The following FBN2 variants were observed in gnomAD, a reference collection of about 807,000 sequenced individuals.
FBN2 encodes the protein fibrillin-2.
In FBN2, 105 loss-of-function variants were observed where a neutral mutation model predicts 355.6. That is an observed-to-expected ratio of 0.30 (90% CI 0.25 to 0.35). The LOEUF is 0.35. Ranked by LOEUF, FBN2 falls within the 10% of genes least tolerant of loss-of-function variation. The pLI is 1.00. For synonymous variants in FBN2, 1,350 were observed against 1,301.2 expected (o/e 1.04, Z -0.81); for missense variants, 3,280 against 3,758.7 (o/e 0.87, Z 3.33).
chr5:128,449,469 T>TGTATA (rs1754177703), intron 6 of FBN2, among the ~76,000 whole-genome samples: 5 of 146,716 alleles, frequency 3.4e-5, no homozygotes, highest in Admixed American at 6.8e-5. Context: ...AATAGTATAC[T>TGTATA]ATTAAACTAT....
chr5:128,526,983 G>A (rs778677180), intron 4 of FBN2, among the ~76,000 whole-genome samples: 1 of 152,046 alleles, frequency 6.6e-6, no homozygotes, highest in Non-Finnish European at 1.5e-5. Flanking sequence ...TTACACCTAA[G>A]ACTTGGTTTT....
At chr5:128,428,475 AG>A (rs1379389285) in intron 7 of FBN2, among the ~76,000 whole-genome samples, 1 of 152,074 alleles carries the variant, frequency 6.6e-6, no homozygotes, top group African/African-American at 2.4e-5. Flanking sequence ...TAGATACCTC[AG>A]GGGTGCCTCT....
chr5:128,457,235 T>C (rs142811697), intron 6 of FBN2, among the ~76,000 whole-genome samples: 26 of 151,954 alleles, frequency 1.7e-4, no homozygotes, highest in African/African-American at 6.3e-4. Context: ...AAATAAGATA[T>C]GCAGACAAGA....
intron 31 of FBN2, among the ~76,000 whole-genome samples, chr5:128,334,328 T>C (rs947160471): frequency 4.0e-5 from 6 of 151,782 alleles, no homozygotes; most frequent in Non-Finnish European, 8.8e-5. Flanking sequence ...TTAAAAGAAG[T>C]GCAGAGGTAA....
At chr5:128,366,534 G>T in intron 16 of FBN2, 104 bp from the exon 17 acceptor site, 1 of 648,360 alleles carries the variant, frequency 1.5e-6, no homozygotes, top group Non-Finnish European at 2.7e-6. Context: ...AATTATTTGT[G>T]CATTAGTTTT....
At chr5:128,360,288 G>A (rs1009446155) in intron 19 of FBN2, among the ~76,000 whole-genome samples, 1 of 152,118 alleles carries the variant, frequency 6.6e-6, no homozygotes, top group African/African-American at 2.4e-5. Flanking sequence ...TGTTAGAGAT[G>A]GGAGCAGGAT....
intron 5 of FBN2, among the ~76,000 whole-genome samples, chr5:128,510,807 C>A (rs994637270): frequency 1.3e-5 from 2 of 152,076 alleles, no homozygotes; most frequent in South Asian, 2.1e-4. Flanking sequence ...ATTGAACTGA[C>A]ACAATATAGT....
chr5:128,501,635 A>G (rs935032942), intron 5 of FBN2, among the ~76,000 whole-genome samples: 38 of 152,338 alleles, frequency 2.5e-4, no homozygotes, highest in African/African-American at 8.9e-4. Flanking sequence ...CTATTTGTTA[A>G]TAAATATATA....
At chr5:128,427,780 C>T (rs913105380) in intron 7 of FBN2, among the ~76,000 whole-genome samples, 4 of 152,068 alleles carry the variant, frequency 2.6e-5, no homozygotes, top group Admixed American at 6.6e-5. Flanking sequence ...TTGGAGAGTC[C>T]GGGTCTGAAG....
rs1751865703 is a variant in FBN2, at chr5:128,369,304, C to G, written c.2126G>C (p.Gly709Ala). ...DTHMRSTCYGGIKKGVCVRPF... is the reference protein window; with the variant it reads ...DTHMRSTCYGAIKKGVCVRPF... ...ACGCACACACACTCCTTTCTTGATT[C>G]CTCCATAGCAGGTACTGCGCATGTG... The change falls in exon 16 of 65, where the codon GGA becomes GCA. Residue 709 changes from glycine (G) to alanine (A), a missense_variant. By Grantham distance (60) the Gly-to-Ala change is moderately conservative. Coordinates refer to ENST00000262464, the MANE Select transcript of FBN2 (RefSeq NM_001999.4). The G allele has an allele frequency of 1.2e-6, 2 of 1,614,104 alleles. No homozygotes were observed. The highest frequency in any genetic ancestry group is 1.7e-6 in the Non-Finnish European group (2 of 1,180,014).
At chr5:128,498,642 G>C (rs139232433) in intron 5 of FBN2, among the ~76,000 whole-genome samples, 11 of 152,280 alleles carry the variant, frequency 7.2e-5, no homozygotes, top group African/African-American at 2.6e-4. Flanking sequence ...CTTATTTATA[G>C]CTTTGTAGAG....
Position 128,260,031 on chromosome 5 carries a change from G to A in FBN2, c.8365-202C>T, listed in dbSNP as rs372385872. ...GTTGGAAGAAAAGGCCAATTCCATCGAGAATACCCTGTAAATCTTTAGGAC... is the reference window on the plus strand; with the variant it reads ...GTTGGAAGAAAAGGCCAATTCCATCAAGAATACCCTGTAAATCTTTAGGAC... On this transcript the variant is annotated intron_variant, in intron 64 of 64. Coordinates refer to ENST00000262464, the MANE Select transcript of FBN2 (RefSeq NM_001999.4). Among the ~76,000 whole-genome samples the A allele has an allele frequency of 8.5e-4, 129 of 152,086 alleles. 4 individuals carry two copies. In the South Asian group the frequency reaches 0.025, roughly 29 times the overall value.
At chr5:128,272,487 A>T (rs867214721) in intron 61 of FBN2, among the ~76,000 whole-genome samples, 348 of 85,584 alleles carry the variant, frequency 4.1e-3, no homozygotes, top group African/African-American at 0.011. Flanking sequence ...TATATATATA[A>T]AATATATTTG....
chr5:128,518,036 C>A (rs564020048), intron 5 of FBN2, among the ~76,000 whole-genome samples: 1 of 152,042 alleles, frequency 6.6e-6, no homozygotes, highest in South Asian at 2.1e-4. Context: ...AACTGTTTAC[C>A]ATCAGGACAT....
chr5:128,279,563 T>C (rs1323400275), intron 56 of FBN2, among the ~76,000 whole-genome samples: 1 of 152,056 alleles, frequency 6.6e-6, no homozygotes, highest in Non-Finnish European at 1.5e-5. Flanking sequence ...CAGAAAAAAA[T>C]GTGATATAGT....
Position 128,286,804 on chromosome 5 carries a change from C to A in FBN2, c.6926G>T (p.Gly2309Val), listed in dbSNP as rs1348750692. The change falls in exon 55 of 65, where the codon GGC becomes GTC. Residue 2309 changes from glycine (G) to valine (V), a missense_variant. Coordinates refer to ENST00000262464, the MANE Select transcript of FBN2 (RefSeq NM_001999.4). ...GCCGATTAGATTCTTACACATCATG[C>A]CCCTAGATTCACAGTCGTGTAACCC... ...AEGLHDCESR[G>V]MMCKNLIGTF... The A allele has an allele frequency of 2.5e-6, 4 of 1,613,854 alleles. No individual in the cohort carries two copies. The highest frequency in any genetic ancestry group is 3.4e-6 in the Non-Finnish European group (4 of 1,179,732).
intron 2 of FBN2, among the ~76,000 whole-genome samples, chr5:128,532,822 G>C (rs966169736): frequency 1.3e-5 from 2 of 152,142 alleles, no homozygotes; most frequent in African/African-American, 4.8e-5. Flanking sequence ...TAGGCAAATG[G>C]ATCACTTGAG....
intron 8 of FBN2, among the ~76,000 whole-genome samples, chr5:128,406,601 T>G (rs1473852494): frequency 6.6e-6 from 1 of 152,150 alleles, no homozygotes; most frequent in Non-Finnish European, 1.5e-5. Flanking sequence ...ATACTGTCAG[T>G]TGGTCTGATA....
At chr5:128,367,639 C>T (rs1443242875) in intron 16 of FBN2, among the ~76,000 whole-genome samples, 3 of 151,544 alleles carry the variant, frequency 2.0e-5, no homozygotes, top group African/African-American at 7.3e-5. Flanking sequence ...AGGGACCTAA[C>T]TTCATATTTT....
Sources: allele counts gnomAD v4.1 joint callset (sites outside exome capture counted in the v4.1 genomes callset), GRCh38; gene constraint gnomAD v4.1.1; transcripts MANE v1.5; gene names NCBI Gene and HGNC (gene_info 2026-07-23, HGNC 2026-07-21).